NOMO1: variants seen among roughly 807,000 people sequenced by gnomAD.
The protein encoded by NOMO1 is NODAL modulator 1, also known as nodal modulator 3.
Under a neutral mutation model 133.8 loss-of-function variants are expected in NOMO1, and 40 were observed. That is an observed-to-expected ratio of 0.30 (90% CI 0.23 to 0.39). NOMO1 has a LOEUF of 0.39. Among genes scored for constraint, NOMO1 ranks in the 10% least tolerant of loss-of-function variants. The pLI, the probability that NOMO1 is intolerant of heterozygous loss-of-function variation, is 1.00. For synonymous variants in NOMO1, 236 were observed against 570.5 expected, an observed-to-expected ratio of 0.41 and a Z score of 8.36; for missense variants, 462 against 1,419.9, an observed-to-expected ratio of 0.33 and a Z score of 10.84.
At chr16:14,885,715 G>T (rs2029988386) in intron 27 of NOMO1, among the ~76,000 whole-genome samples, 1 of 151,840 alleles carries the variant, frequency 6.6e-6, no homozygotes, top group African/African-American at 2.4e-5. Flanking sequence ...CAGGGGAGGG[G>T]AAGAGGCAGA....
intron 11 of NOMO1, chr16:14,862,576 A>G (rs2151001076): frequency 5.6e-6 from 1 of 179,386 alleles, no homozygotes; most frequent in South Asian, 1.2e-4. Flanking sequence ...GACTTATTTG[A>G]TGGCCTGGTA....
At chr16:14,856,755 G>T (rs1020717056) in intron 9 of NOMO1, among the ~76,000 whole-genome samples, 53 of 152,104 alleles carry the variant, frequency 3.5e-4, no homozygotes, top group African/African-American at 1.2e-3. Context: ...GTGGTGGAAA[G>T]ACAGGAGGGG....
At chr16:14,850,794 T>C (rs568086689) in intron 6 of NOMO1, among the ~76,000 whole-genome samples, 1 of 152,004 alleles carries the variant, frequency 6.6e-6, no homozygotes, top group Non-Finnish European at 1.5e-5. Flanking sequence ...AAAAATATTT[T>C]ATTCAAGGCT....
At chr16:14,866,521 C>T (rs751510541) in intron 14 of NOMO1, 34 bp from the exon 15 acceptor site, 1 of 1,610,158 alleles carries the variant, frequency 6.2e-7, no homozygotes, top group Admixed American at 1.7e-5. Flanking sequence ...GTGCTCCACG[C>T]CCATGTATCC....
chr16:14,875,639 T>C (rs1311315295), intron 20 of NOMO1, among the ~76,000 whole-genome samples: 5 of 152,106 alleles, frequency 3.3e-5, no homozygotes, highest in Non-Finnish European at 7.3e-5. Context: ...GATGGATGGA[T>C]GGATGAATGA....
intron 13 of NOMO1, 86 bp downstream of exon 13, chr16:14,864,812 T>G (rs1963969436): frequency 6.2e-7 from 1 of 1,610,496 alleles, no homozygotes; most frequent in Non-Finnish European, 8.5e-7. Context: ...TCCTTTTGCC[T>G]TTGTTGTTTG....
At chr16:14,883,887 T>C (rs891312544) in intron 26 of NOMO1, among the ~76,000 whole-genome samples, 15 of 150,680 alleles carry the variant, frequency 1.0e-4, no homozygotes, top group Non-Finnish European at 1.8e-4. Flanking sequence ...AGAGCATCCT[T>C]CTCCTTTTTT....
intron 11 of NOMO1, among the ~76,000 whole-genome samples, chr16:14,859,136 G>A (rs1305053045): frequency 6.6e-6 from 1 of 151,922 alleles, no homozygotes; most frequent in East Asian, 1.9e-4. Flanking sequence ...AGTGCCAGGT[G>A]GCCCAGGGGG....
intron 18 of NOMO1, among the ~76,000 whole-genome samples, chr16:14,873,713 C>T (rs1348917299): frequency 6.6e-6 from 1 of 151,808 alleles, no homozygotes; most frequent in East Asian, 1.9e-4. Flanking sequence ...TGTAACTTCA[C>T]AAGGGTGTTT....
intron 11 of NOMO1, 118 bp downstream of exon 11, chr16:14,857,773 CTTTT>C (rs60743405): frequency 3.8e-3 from 2,227 of 582,450 alleles, no homozygotes; most frequent in Middle Eastern, 5.2e-3. Context: ...AAGATTAGTA[CTTTT>C]TTTTTTTTTT....
intron 9 of NOMO1, among the ~76,000 whole-genome samples, chr16:14,856,202 C>T (rs986324789): frequency 5.9e-5 from 9 of 151,790 alleles, no homozygotes; most frequent in Admixed American, 2.6e-4. Context: ...AGAAATCGAA[C>T]GAGGACATTT....
At chr16:14,864,428 C>T (rs984456133) in intron 12 of NOMO1, among the ~76,000 whole-genome samples, 157 bp from the exon 13 acceptor site, 3 of 151,930 alleles carry the variant, frequency 2.0e-5, no homozygotes, top group Admixed American at 6.6e-5. Context: ...ACAAGTTATT[C>T]GTGGATTTGT....
At chr16:14,839,510 C>T (rs1453919842) in intron 2 of NOMO1, among the ~76,000 whole-genome samples, 1 of 151,798 alleles carries the variant, frequency 6.6e-6, no homozygotes, top group East Asian at 1.9e-4. Flanking sequence ...ACAATCCCAT[C>T]CTCCCACATA....
rs1388294949 is a variant in NOMO1 at position 14,875,551 on chromosome 16, C to T, written c.2356+129C>T. 3 of 890,698 alleles carry T rather than the reference C, an allele frequency of 3.4e-6. No homozygotes were observed. The East Asian group carries it at 7.7e-5, about 23-fold the overall frequency. 55.2% of individuals were successfully genotyped at this position (890,698 alleles called of 1,614,324 possible). ...AAGCCACCTTACATCCTCTCTGGCA[C>T]ACAGATGTTACTGTTGGTTGGATGG... On this transcript the variant is annotated intron_variant, in intron 20 of 30. Transcript: ENST00000287667.
At position 14,840,669 on chromosome 16, in the gene NOMO1, T is replaced by C. The variant is rs2606859; in HGVS notation, c.256-693T>C. On this transcript the variant is annotated intron_variant, in intron 2 of 30. Coordinates refer to ENST00000287667, the MANE Select transcript of NOMO1 (RefSeq NM_014287.4). Reference sequence around the variant, plus strand: ...TTTATTTATTGAATTAATGAGTTAATGTATTGTTTAGAGACAGGATCTCCC... The same window carrying C: ...TTTATTTATTGAATTAATGAGTTAACGTATTGTTTAGAGACAGGATCTCCC... Among the ~76,000 whole-genome samples, 1,251 of 149,016 alleles carry C rather than the reference T, an allele frequency of 8.4e-3. 9 individuals carry two copies. The highest frequency in any genetic ancestry group is 0.023 in the African/African-American group (925 of 39,650).
intron 15 of NOMO1, among the ~76,000 whole-genome samples, chr16:14,867,783 G>A (rs941130079): frequency 1.3e-5 from 2 of 149,122 alleles, no homozygotes; most frequent in African/African-American, 4.9e-5. Flanking sequence ...TCGACAGGTC[G>A]ATTTGTTATA....
chr16:14,894,880 C>T, intron 29 of NOMO1, 118 bp from the exon 30 acceptor site: 1 of 685,414 alleles, frequency 1.5e-6, no homozygotes, highest in African/African-American at 1.8e-5. Context: ...TCATGAGGGC[C>T]CCTGGGTGTC....
rs1006624036 is a variant in NOMO1 at position 14,857,641 on chromosome 16, C to T, written c.1206C>T (p.Asp402=). 4.3e-6 allele frequency: 7 copies of T among 1,613,554 alleles called. No homozygotes were observed. The highest frequency in any genetic ancestry group is 2.2e-5 in the South Asian group (2 of 91,058). The part of the protein sequence containing the change: ...KIAPNTPQLA[D]IIATGFSVCG... ...CACCGAACACACCTCAGCTGGCTGACATTATTGCAACAGGGTAAGCTTATC... is the reference window on the plus strand; with the variant it reads ...CACCGAACACACCTCAGCTGGCTGATATTATTGCAACAGGGTAAGCTTATC... The change falls in exon 11 of 31, where the codon GAC becomes GAT. Residue 402 remains aspartate, a synonymous_variant. Transcript: ENST00000287667.
At chr16:14,879,033 C>T (rs200723431) in intron 23 of NOMO1, among the ~76,000 whole-genome samples, 199 bp downstream of exon 23, 4 of 151,902 alleles carry the variant, frequency 2.6e-5, no homozygotes, top group East Asian at 1.9e-4. Flanking sequence ...CCCTTCCACA[C>T]GCGCTTCTTG....
Sources: gnomAD v4.1 joint callset for allele counts (sites outside exome capture counted in the v4.1 genomes callset) on GRCh38, gnomAD v4.1.1 for gene constraint, MANE v1.5 for transcripts, NCBI Gene and HGNC (gene_info 2026-07-23, HGNC 2026-07-21) for gene names.